PTPRQ: variants seen among roughly 807,000 people sequenced by gnomAD.
PTPRQ encodes phosphatidylinositol phosphatase PTPRQ.
A neutral mutation model predicts 246.0 loss-of-function variants in PTPRQ; 199 were observed. That is an observed-to-expected ratio of 0.81 (90% CI 0.72 to 0.91). The LOEUF is 0.91. Ranked by LOEUF, PTPRQ falls within the 40% of genes least tolerant of loss-of-function variation. The probability of loss-of-function intolerance (pLI) is 0.00; values close to 1 mark genes in which losing one functional copy is unlikely to be tolerated. For missense variants in PTPRQ, 2,624 were observed against 2,528.4 expected (o/e 1.04, Z -0.81); for synonymous variants, 869 against 853.2 (o/e 1.02, Z -0.32).
chr12:80,574,985 T>C (rs1020498364), intron 25 of PTPRQ, among the ~76,000 whole-genome samples: 2 of 152,198 alleles, frequency 1.3e-5, no homozygotes, highest in South Asian at 2.1e-4. Flanking sequence ...CTCAAGCCAA[T>C]AGCTGCGTTT....
chr12:80,506,808 A>C, intron 16 of PTPRQ, 138 bp downstream of exon 16: 5 of 586,532 alleles, frequency 8.5e-6, no homozygotes, highest in East Asian at 3.8e-5. Context: ...CAGAGATTTC[A>C]TTGTCATGGT....
At chr12:80,638,235 C>T (rs1295781492) in intron 35 of PTPRQ, among the ~76,000 whole-genome samples, 3 of 150,248 alleles carry the variant, frequency 2.0e-5, no homozygotes, top group Non-Finnish European at 4.4e-5. Context: ...CACCATTGCA[C>T]TCCAGCCTGG....
chr12:80,651,854 G>T (rs1262053510), intron 37 of PTPRQ, among the ~76,000 whole-genome samples: 1 of 151,670 alleles, frequency 6.6e-6, no homozygotes, highest in East Asian at 1.9e-4. Context: ...TCAGAATTCA[G>T]ATCTTACACC....
intron 8 of PTPRQ, among the ~76,000 whole-genome samples, chr12:80,483,512 A>G (rs1894153613): frequency 6.6e-6 from 1 of 151,966 alleles, no homozygotes; most frequent in Non-Finnish European, 1.5e-5. Flanking sequence ...TGTACCCTAA[A>G]ACTTAAAGTA....
intron 9 of PTPRQ, among the ~76,000 whole-genome samples, chr12:80,491,507 C>T (rs1479740456): frequency 6.6e-6 from 1 of 151,922 alleles, no homozygotes; most frequent in Non-Finnish European, 1.5e-5. Flanking sequence ...ATAGAGTTCC[C>T]TATCCATAGT....
At chr12:80,464,976 CT>C (rs1276792189) in intron 6 of PTPRQ, among the ~76,000 whole-genome samples, 1 of 61,502 alleles carries the variant, frequency 1.6e-5, no homozygotes, top group Non-Finnish European at 3.2e-5. Flanking sequence ...CATTCATAAG[CT>C]AGCAGAAGGC....
chr12:80,601,516 C>T (rs1245664441), intron 26 of PTPRQ, among the ~76,000 whole-genome samples: 1 of 151,688 alleles, frequency 6.6e-6, no homozygotes, highest in African/African-American at 2.4e-5. Flanking sequence ...TTCTCAAGGC[C>T]AACTAAACAT....
At chr12:80,473,967 C>T (rs1893733823) in intron 8 of PTPRQ, among the ~76,000 whole-genome samples, 1 of 152,210 alleles carries the variant, frequency 6.6e-6, no homozygotes, top group South Asian at 2.1e-4. Context: ...CCACCAAAGG[C>T]AGGGTTGGCA....
At chr12:80,539,967 T>C (rs1592631215) in intron 20 of PTPRQ, 23 bp downstream of exon 20, 1 of 1,424,732 alleles carries the variant, frequency 7.0e-7, no homozygotes, top group Non-Finnish European at 9.2e-7. Flanking sequence ...AAAACACTAA[T>C]CTTTAATATG....
chr12:80,612,837 C>A (rs541870673), intron 28 of PTPRQ, among the ~76,000 whole-genome samples: 1 of 150,388 alleles, frequency 6.6e-6, no homozygotes, highest in African/African-American at 2.4e-5. Flanking sequence ...GAACACTACT[C>A]GGCAATAAAA....
chr12:80,608,429 G>A (rs1048567134), intron 27 of PTPRQ, among the ~76,000 whole-genome samples: 3 of 150,398 alleles, frequency 2.0e-5, no homozygotes, highest in South Asian at 2.1e-4. Context: ...TTTGAGGACC[G>A]AGAATTCCTT....
intron 25 of PTPRQ, among the ~76,000 whole-genome samples, chr12:80,555,554 T>A (rs995414109): frequency 1.3e-5 from 2 of 152,140 alleles, no homozygotes; most frequent in African/African-American, 4.8e-5. Flanking sequence ...GAATTAAGAT[T>A]TGAAATAAAG....
At chr12:80,501,807 G>A (rs924238746) in intron 14 of PTPRQ, among the ~76,000 whole-genome samples, 12 of 151,936 alleles carry the variant, frequency 7.9e-5, no homozygotes, top group Non-Finnish European at 7.4e-5. Flanking sequence ...ACATGCTGCT[G>A]ACAAGTAAAG....
At chr12:80,498,751 T>A (rs1894705099) in intron 14 of PTPRQ, among the ~76,000 whole-genome samples, 1 of 152,124 alleles carries the variant, frequency 6.6e-6, no homozygotes, top group Non-Finnish European at 1.5e-5. Flanking sequence ...TATTGTGATA[T>A]GAAATAATAA....
At chr12:80,570,289 A>T (rs573245378) in intron 25 of PTPRQ, among the ~76,000 whole-genome samples, 1 of 152,290 alleles carries the variant, frequency 6.6e-6, no homozygotes, top group South Asian at 2.1e-4. Context: ...CTGGCTTGAG[A>T]TGGTATCTCA....
intron 17 of PTPRQ, among the ~76,000 whole-genome samples, chr12:80,520,504 T>G (rs1401928576): frequency 1.1e-5 from 1 of 90,548 alleles, no homozygotes; most frequent in Non-Finnish European, 2.2e-5. Flanking sequence ...ATGCTATCCC[T>G]CCCCCCTCCC....
chr12:80,670,622 G>A (rs573762913), intron 42 of PTPRQ, 130 bp downstream of exon 42: 9 of 1,320,470 alleles, frequency 6.8e-6, no homozygotes, highest in Middle Eastern at 4.4e-4. Flanking sequence ...TTCACATTTA[G>A]CATTTCTAGA....
chr12:80,592,971 A>G (rs1311923110), intron 26 of PTPRQ, among the ~76,000 whole-genome samples: 2 of 152,298 alleles, frequency 1.3e-5, no homozygotes, highest in Middle Eastern at 3.4e-3. Flanking sequence ...AGATTGTGCC[A>G]CTGCACTCTA....
chr12:80,590,767 G>A (rs1409830388), intron 26 of PTPRQ, among the ~76,000 whole-genome samples: 1 of 150,632 alleles, frequency 6.6e-6, no homozygotes, highest in East Asian at 1.9e-4. Flanking sequence ...TATATGACCT[G>A]GCTTTTACCT....
Sources: gnomAD v4.1 joint callset for allele counts (sites outside exome capture counted in the v4.1 genomes callset) on GRCh38, gnomAD v4.1.1 for gene constraint, MANE v1.5 for transcripts, NCBI Gene and HGNC (gene_info 2026-07-23, HGNC 2026-07-21) for gene names.